The following MAPRE2 variants were observed in gnomAD, a reference collection of about 807,000 sequenced individuals.
The protein encoded by MAPRE2 is microtubule associated protein RP/EB family member 2.
A neutral mutation model predicts 43.2 loss-of-function variants in MAPRE2; 13 were observed. The ratio of observed to expected loss-of-function variants is 0.30; its 90% CI spans 0.20 to 0.48. The LOEUF (loss-of-function observed/expected upper bound fraction) is 0.48. Among genes scored for constraint, MAPRE2 ranks in the 20% least tolerant of loss-of-function variants. The pLI is 0.99. For synonymous variants in MAPRE2, 135 were observed against 148.8 expected, an observed-to-expected ratio of 0.91 and a Z score of 0.68; for missense variants, 161 against 400.2, an observed-to-expected ratio of 0.40 and a Z score of 5.10.
intron 2 of MAPRE2, among the ~76,000 whole-genome samples, chr18:35,033,956 T>G (rs1357823807): frequency 2.7e-5 from 4 of 149,422 alleles, no homozygotes; most frequent in Non-Finnish European, 6.0e-5. Flanking sequence ...ATTTACAGAT[T>G]CAATGCCATC....
chr18:35,119,820 A>T (rs1309466105), intron 4 of MAPRE2, among the ~76,000 whole-genome samples: 5 of 152,250 alleles, frequency 3.3e-5, no homozygotes, highest in Admixed American at 6.5e-5. Flanking sequence ...TTCTTTAAAT[A>T]AAAATGAGCC....
At chr18:35,024,612 C>T (rs1395497925) in intron 2 of MAPRE2, among the ~76,000 whole-genome samples, 1 of 152,152 alleles carries the variant, frequency 6.6e-6, no homozygotes, top group South Asian at 2.1e-4. Context: ...GTTAATTTAA[C>T]CTTCATTTCC....
chr18:35,063,968 A>G (rs1344576906), intron 1 of MAPRE2, among the ~76,000 whole-genome samples: 1 of 135,604 alleles, frequency 7.4e-6, no homozygotes, highest in Non-Finnish European at 1.5e-5. Context: ...ACTGCACTCC[A>G]GCCTGGACTG....
chr18:35,116,446 T>C (rs1603402701), intron 4 of MAPRE2, among the ~76,000 whole-genome samples: 1 of 152,216 alleles, frequency 6.6e-6, no homozygotes, highest in East Asian at 1.9e-4. Context: ...ACAACTTAGC[T>C]GGGTTATCTG....
At chr18:35,023,685 T>C (rs1442320761) in intron 2 of MAPRE2, among the ~76,000 whole-genome samples, 2 of 151,904 alleles carry the variant, frequency 1.3e-5, no homozygotes, top group African/African-American at 4.8e-5. Context: ...TGGAGAAGAA[T>C]TGGTAAGATT....
chr18:35,116,972 T>G (rs984563464), intron 4 of MAPRE2, among the ~76,000 whole-genome samples: 2 of 152,190 alleles, frequency 1.3e-5, no homozygotes, highest in Admixed American at 1.3e-4. Context: ...TGCTTTGTAT[T>G]ATAGAAAACA....
chr18:35,007,085 G>A lies in MAPRE2; in HGVS notation c.-8+1532G>A, dbSNP rs1200109672. Among the ~76,000 whole-genome samples, 6 of 152,198 alleles carry A rather than the reference G, an allele frequency of 3.9e-5. No homozygotes were observed. The East Asian group carries it at 7.7e-4, about 20-fold the overall frequency. ...GGGCTCAGTGGAAAGGTACCTGAGGGCATTAGAAATAGGAAGAACCAGGAA... is the reference window on the plus strand; with the variant it reads ...GGGCTCAGTGGAAAGGTACCTGAGGACATTAGAAATAGGAAGAACCAGGAA... On this transcript the variant is annotated intron_variant, in intron 2 of 7. Transcript: ENST00000413393.
intron 2 of MAPRE2, among the ~76,000 whole-genome samples, chr18:35,077,020 C>T (rs191355604): frequency 2.8e-4 from 43 of 152,218 alleles, no homozygotes; most frequent in Admixed American, 6.5e-4. Flanking sequence ...ATTAGAAAAA[C>T]AGGCTTAGGG....
At chr18:34,997,288 A>G (rs2097026970) in intron 1 of MAPRE2, among the ~76,000 whole-genome samples, 1 of 152,204 alleles carries the variant, frequency 6.6e-6, no homozygotes, top group African/African-American at 2.4e-5. Context: ...ATCTTATTCC[A>G]TAGCATTTAG....
intron 2 of MAPRE2, among the ~76,000 whole-genome samples, chr18:35,081,775 G>A (rs900416696): frequency 7.2e-5 from 11 of 152,090 alleles, no homozygotes; most frequent in Non-Finnish European, 1.3e-4. Flanking sequence ...GCATTGTGTA[G>A]ACGTGGACCG....
At chr18:35,122,736 T>C (rs1451290542) in intron 4 of MAPRE2, among the ~76,000 whole-genome samples, 3 of 152,142 alleles carry the variant, frequency 2.0e-5, no homozygotes, top group Non-Finnish European at 4.4e-5. Context: ...CTCTCTCATC[T>C]CAAAGGGATC....
intron 6 of MAPRE2, among the ~76,000 whole-genome samples, chr18:35,138,921 T>C (rs1225557736): frequency 6.6e-6 from 1 of 152,074 alleles, no homozygotes. Context: ...GTCTCAGTCA[T>C]TCATCCTTGA....
intron 2 of MAPRE2, among the ~76,000 whole-genome samples, chr18:35,091,377 T>A (rs1412267486): frequency 6.6e-6 from 1 of 151,856 alleles, no homozygotes; most frequent in East Asian, 1.9e-4. Context: ...TCCTGTCTCC[T>A]AGATATCTCA....
intron 2 of MAPRE2, among the ~76,000 whole-genome samples, chr18:35,090,075 A>G (rs1479713771): frequency 6.6e-6 from 1 of 152,220 alleles, no homozygotes; most frequent in African/African-American, 2.4e-5. Flanking sequence ...TGAATTGTCC[A>G]GAATAGTCAG....
intron 2 of MAPRE2, among the ~76,000 whole-genome samples, chr18:35,034,299 T>C (rs146732146): frequency 0.013 from 1,977 of 152,332 alleles, 25 homozygotes; most frequent in Middle Eastern, 0.02. Context: ...CTGGGAAAAC[T>C]GGCTAGCCAT....
At chr18:35,128,096 T>C (rs1031775291) in intron 5 of MAPRE2, among the ~76,000 whole-genome samples, 5 of 152,196 alleles carry the variant, frequency 3.3e-5, no homozygotes, top group African/African-American at 9.6e-5. Flanking sequence ...TTTGTGATAA[T>C]TGTATATTTG....
intron 2 of MAPRE2, among the ~76,000 whole-genome samples, chr18:35,072,586 T>C (rs1603397758): frequency 6.6e-6 from 1 of 152,226 alleles, no homozygotes; most frequent in African/African-American, 2.4e-5. Context: ...TTGTAATTTT[T>C]AGATACTGTA....
At chr18:35,044,324 G>A (rs931804366) in intron 1 of MAPRE2, among the ~76,000 whole-genome samples, 2 of 152,168 alleles carry the variant, frequency 1.3e-5, no homozygotes, top group African/African-American at 2.4e-5. Context: ...TCCGCCTCCC[G>A]GGTTCAAGAG....
rs369527254 is a variant in MAPRE2, at chr18:35,047,042, C to T, written c.122+5381C>T. 6.6e-5 allele frequency among the ~76,000 whole-genome samples: 10 copies of T among 152,286 alleles called. No homozygotes were observed. The East Asian group carries it at 9.6e-4, about 15-fold the overall frequency. On this transcript the variant is annotated intron_variant, in intron 1 of 6. Coordinates refer to ENST00000300249, the MANE Select transcript of MAPRE2 (RefSeq NM_014268.4). Reference sequence around the variant, plus strand: ...AAAAGTTCCGATGTGGCTGATGAAACTGCTCAGGACACTCCCTGTGACTTT... The same window carrying T: ...AAAAGTTCCGATGTGGCTGATGAAATTGCTCAGGACACTCCCTGTGACTTT...
Sources: allele counts gnomAD v4.1 joint callset (sites outside exome capture counted in the v4.1 genomes callset), GRCh38; gene constraint gnomAD v4.1.1; transcripts MANE v1.5; gene names NCBI Gene and HGNC (gene_info 2026-07-23, HGNC 2026-07-21).